Variants in EPB41L4B observed in about 807,000 individuals in gnomAD.
The protein encoded by EPB41L4B is erythrocyte membrane protein band 4.1 like 4B.
A neutral mutation model predicts 112.5 loss-of-function variants in EPB41L4B; 30 were observed. The observed-to-expected ratio is 0.27, with a 90% confidence interval of 0.20 to 0.36. The LOEUF (loss-of-function observed/expected upper bound fraction) is 0.36. Ranked by LOEUF, EPB41L4B falls within the 10% of genes least tolerant of loss-of-function variation. The probability of loss-of-function intolerance (pLI) is 1.00; values close to 1 mark genes in which losing one functional copy is unlikely to be tolerated. For missense variants in EPB41L4B, 1,024 were observed against 1,133.3 expected (o/e 0.90, Z 1.38); for synonymous variants, 408 against 439.7 (o/e 0.93, Z 0.90).
intron 1 of EPB41L4B, chr9:109,300,317 C>T (rs1490068119): frequency 6.6e-6 from 1 of 152,148 alleles, no homozygotes; most frequent in Non-Finnish European, 1.5e-5. Flanking sequence ...CAGCACTATC[C>T]ATCTCAGTGG....
intron 17 of EPB41L4B, among the ~76,000 whole-genome samples, chr9:109,211,975 C>A (rs1186400834): frequency 6.6e-6 from 1 of 151,962 alleles, no homozygotes; most frequent in Non-Finnish European, 1.5e-5. Context: ...CCGCCTTAGC[C>A]TCCCAAAGTG....
At chr9:109,226,943 ATCT>A (rs1002444905) in intron 15 of EPB41L4B, among the ~76,000 whole-genome samples, 2 of 151,358 alleles carry the variant, frequency 1.3e-5, no homozygotes, top group African/African-American at 2.4e-5. Context: ...GGCTCAAGCA[ATCT>A]TCTTCTCTCA....
chr9:109,282,431 G>A (rs1477958038), intron 1 of EPB41L4B, among the ~76,000 whole-genome samples: 1 of 152,140 alleles, frequency 6.6e-6, no homozygotes, highest in Non-Finnish European at 1.5e-5. Flanking sequence ...AAAAATAGTA[G>A]GTGGGTGGAG....
chr9:109,282,652 G>T (rs537960014), intron 1 of EPB41L4B, among the ~76,000 whole-genome samples: 1 of 151,970 alleles, frequency 6.6e-6, no homozygotes, highest in Non-Finnish European at 1.5e-5. Context: ...CTCTCTCTCC[G>T]CAAGATTTAG....
intron 15 of EPB41L4B, among the ~76,000 whole-genome samples, chr9:109,234,666 C>A (rs1834076324): frequency 6.6e-6 from 1 of 152,136 alleles, no homozygotes; most frequent in South Asian, 2.1e-4. Context: ...GGAGTTCACA[C>A]CAGCCTGTGC....
chr9:109,182,363 ACAGACACAGAATG>A (rs1415141944), intron 24 of EPB41L4B, among the ~76,000 whole-genome samples: 2 of 152,374 alleles, frequency 1.3e-5, no homozygotes, highest in African/African-American at 4.8e-5. Flanking sequence ...AGGTAAATCC[ACAGACACAGAATG>A]CAGACTGGTG....
At chr9:109,273,454 C>T (rs541737372) in intron 2 of EPB41L4B, among the ~76,000 whole-genome samples, 5 of 152,294 alleles carry the variant, frequency 3.3e-5, no homozygotes, top group African/African-American at 1.2e-4. Flanking sequence ...GCCATGTTGG[C>T]TAGTCTGGTC....
chr9:109,240,069 C>T, intron 15 of EPB41L4B: 3 of 985,298 alleles, frequency 3.0e-6, no homozygotes, highest in Non-Finnish European at 3.6e-6. Flanking sequence ...TTCCAAAAGC[C>T]AACTGTTCTG....
intron 1 of EPB41L4B, among the ~76,000 whole-genome samples, chr9:109,305,725 C>A (rs967076948): frequency 1.3e-5 from 2 of 152,062 alleles, no homozygotes; most frequent in Non-Finnish European, 2.9e-5. Context: ...GAGTTCAAGA[C>A]CAGCCTGGTC....
At position 109,182,795 on chromosome 9, in the gene EPB41L4B, T is replaced by C. The variant is rs774072625; in HGVS notation, c.2421A>G (p.Ile807Met). ...TCATTGTATCAACCGGGAATGTTTT[T>C]ATCTTCAAAAGAGAGAAAGACAAGG... ...CMYPPIKTRL[I>M]KTFPVDTMNP... Residue 807 changes from isoleucine to methionine, a missense_variant and splice_region_variant, in exon 24 of 26, where the codon ATA becomes ATG. Physicochemically the swap from Ile to Met is conservative, Grantham distance 10 (BLOSUM62 1). Coordinates refer to ENST00000374566, the MANE Select transcript of EPB41L4B (RefSeq NM_019114.5). The C allele has an allele frequency of 6.2e-7, 1 of 1,610,316 alleles. No homozygotes were observed. The highest frequency in any genetic ancestry group is 8.5e-7 in the Non-Finnish European group (1 of 1,176,506).
intron 1 of EPB41L4B, among the ~76,000 whole-genome samples, chr9:109,294,864 T>A (rs1836676376): frequency 6.6e-6 from 1 of 152,138 alleles, no homozygotes; most frequent in Non-Finnish European, 1.5e-5. Flanking sequence ...ATCTCCATAA[T>A]AAACACTTAA....
Position 109,256,122 on chromosome 9 carries a change from C to T in EPB41L4B, c.929+14G>A. The T allele has an allele frequency of 6.2e-7, 1 of 1,604,102 alleles. No homozygotes were observed. The highest frequency in any genetic ancestry group is 8.5e-7 in the Non-Finnish European group (1 of 1,172,140). On this transcript the variant is annotated intron_variant, in intron 9 of 25. Transcript: ENST00000374566. Reference sequence around the variant, plus strand: ...AGGAAAAGACATTTTTAATATTAGACAAAACTAAATTACCAAAAGAATAAG... The same window carrying T: ...AGGAAAAGACATTTTTAATATTAGATAAAACTAAATTACCAAAAGAATAAG...
intron 20 of EPB41L4B, among the ~76,000 whole-genome samples, chr9:109,195,914 C>T (rs1024714883): frequency 1.3e-5 from 2 of 152,182 alleles, no homozygotes; most frequent in South Asian, 4.2e-4. Flanking sequence ...AGCAAGTCTT[C>T]CAATTTTACC....
chr9:109,269,385 A>G (rs1016248804), intron 2 of EPB41L4B, among the ~76,000 whole-genome samples: 1 of 152,190 alleles, frequency 6.6e-6, no homozygotes, highest in South Asian at 2.1e-4. Context: ...GCCTCACACA[A>G]AAGTTTCTCT....
intron 1 of EPB41L4B, among the ~76,000 whole-genome samples, chr9:109,294,967 G>A (rs1025873602): frequency 6.6e-6 from 1 of 152,200 alleles, no homozygotes; most frequent in Non-Finnish European, 1.5e-5. Context: ...AGGTCACTGG[G>A]TGAAGAGTCT....
At chr9:109,258,766 T>G (rs1835079039) in intron 6 of EPB41L4B, among the ~76,000 whole-genome samples, 1 of 150,026 alleles carries the variant, frequency 6.7e-6, no homozygotes, top group African/African-American at 2.5e-5. Flanking sequence ...AGGGGGAAAG[T>G]AGGAAGGGGA....
At chr9:109,278,429 G>A (rs1018712300) in intron 2 of EPB41L4B, among the ~76,000 whole-genome samples, 4 of 152,146 alleles carry the variant, frequency 2.6e-5, no homozygotes, top group Non-Finnish European at 5.9e-5. Context: ...ATCTGTCACC[G>A]AAGGACTCAG....
At chr9:109,180,595 C>T (rs1832019932) in intron 24 of EPB41L4B, among the ~76,000 whole-genome samples, 2 of 152,234 alleles carry the variant, frequency 1.3e-5, no homozygotes, top group Non-Finnish European at 2.9e-5. Context: ...CCCTGCTGGA[C>T]ACCTTCCCAC....
chr9:109,182,816 C>G lies in EPB41L4B; in HGVS notation c.2419-19G>C, dbSNP rs376977396. 1.2e-5 allele frequency: 18 copies of G among 1,564,464 alleles called. No homozygotes were observed. The highest frequency in any genetic ancestry group is 2.7e-5 in the African/African-American group (2 of 73,774). The stretch of plus-strand genomic sequence containing the variant: ...TTTTTATCTTCAAAAGAGAGAAAGA[C>G]AAGGGGGTTACCTTCAGATTAGAAA... On this transcript the variant is annotated intron_variant, in intron 23 of 25. Transcript: ENST00000374566.
Sources: allele counts gnomAD v4.1 joint callset (sites outside exome capture counted in the v4.1 genomes callset), GRCh38; gene constraint gnomAD v4.1.1; transcripts MANE v1.5; gene names NCBI Gene and HGNC (gene_info 2026-07-23, HGNC 2026-07-21).